PPP2R2C: variants seen among roughly 807,000 people sequenced by gnomAD.
The protein encoded by PPP2R2C is protein phosphatase 2, regulatory subunit B, gamma.
PPP2R2C carries 10 observed loss-of-function variants against 45.3 expected under a neutral mutation model. That is an observed-to-expected ratio of 0.22 (90% CI 0.14 to 0.37). PPP2R2C has a LOEUF of 0.37. Among genes scored for constraint, PPP2R2C ranks in the 10% least tolerant of loss-of-function variants. The pLI, the probability that PPP2R2C is intolerant of heterozygous loss-of-function variation, is 1.00. For synonymous variants in PPP2R2C, 257 were observed against 245.4 expected, an observed-to-expected ratio of 1.05 and a Z score of -0.44; for missense variants, 308 against 619.7, an observed-to-expected ratio of 0.50 and a Z score of 5.34.
intron 1 of PPP2R2C, among the ~76,000 whole-genome samples, chr4:6,542,052 G>A (rs892496516): frequency 1.3e-5 from 2 of 152,194 alleles, no homozygotes. Context: ...AAATGCACTC[G>A]TGATCACAAT....
chr4:6,512,742 G>A (rs913985078), intron 2 of PPP2R2C, among the ~76,000 whole-genome samples: 2 of 151,820 alleles, frequency 1.3e-5, no homozygotes, highest in Admixed American at 6.6e-5. Flanking sequence ...TGGTGGCAGT[G>A]AGGATAAGAC....
chr4:6,336,586 C>G, intron 6 of PPP2R2C, among the ~76,000 whole-genome samples: 2 of 79,760 alleles, frequency 2.5e-5, no homozygotes, highest in Non-Finnish European at 2.6e-5. Flanking sequence ...AGATGCTGTA[C>G]AGAGTGAGCC....
At chr4:6,527,458 C>A (rs1724250521) in intron 2 of PPP2R2C, among the ~76,000 whole-genome samples, 1 of 149,586 alleles carries the variant, frequency 6.7e-6, no homozygotes, top group Non-Finnish European at 1.5e-5. Flanking sequence ...CCCTGCCATG[C>A]AGCCTCTGTG....
chr4:6,490,729 G>T (rs1053664077), intron 2 of PPP2R2C, among the ~76,000 whole-genome samples: 1 of 152,170 alleles, frequency 6.6e-6, no homozygotes, highest in African/African-American at 2.4e-5. Flanking sequence ...GGGAAGCTCT[G>T]CATCTCTCAA....
In PPP2R2C at chr4:6,444,512, G is replaced by A. The variant is rs368764852; in HGVS notation, c.70+27648C>T. ...TTCCAAATACACTCTGCCACTCTCC[G>A]GGGTCCTCGCACAGCCCAGGTGTAA... is the stretch of plus-strand genomic sequence containing the variant. On this transcript the variant is annotated intron_variant, in intron 1 of 8. Coordinates refer to ENST00000382599, the MANE Select transcript of PPP2R2C (RefSeq NM_020416.4). Among the ~76,000 whole-genome samples, 6 of 152,282 alleles carry A rather than the reference G, an allele frequency of 3.9e-5. No homozygotes were observed. In the East Asian group the frequency reaches 5.8e-4, roughly 15 times the overall value.
intron 5 of PPP2R2C, chr4:6,349,416 G>A (rs1712322549): frequency 1.0e-6 from 1 of 975,678 alleles, no homozygotes; most frequent in African/African-American, 1.8e-5. Context: ...GATCATCAGA[G>A]GCAAAGCCCT....
At chr4:6,389,928 C>A (rs141491737) in intron 1 of PPP2R2C, among the ~76,000 whole-genome samples, 1 of 152,056 alleles carries the variant, frequency 6.6e-6, no homozygotes, top group African/African-American at 2.4e-5. Flanking sequence ...CTCCTCTCAG[C>A]GTTTATGGGG....
chr4:6,472,191 G>A lies in PPP2R2C; in HGVS notation c.39C>T (p.Ser13=). Residue 13 remains serine (S), a synonymous_variant, in exon 1 of 9, where the codon AGC becomes AGT. Coordinates refer to ENST00000382599, the MANE Select transcript of PPP2R2C (RefSeq NM_020416.4). The part of the protein sequence containing the change: ...EDTDTRKINH[S]FLRDHSYVTE... ...TCACATAGCTGTGGTCCCGCAGGAA[G>A]CTGTGGTTAATTTTCCGCGTGTCCG... 1 of 1,613,514 alleles carries A rather than the reference G, an allele frequency of 6.2e-7. No homozygotes were observed. Among genetic ancestry groups the A allele is most frequent in the South Asian group, 1.1e-5 (1 of 91,084 alleles).
At chr4:6,339,132 A>G (rs1223529986) in intron 6 of PPP2R2C, among the ~76,000 whole-genome samples, 1 of 152,192 alleles carries the variant, frequency 6.6e-6, no homozygotes, top group Non-Finnish European at 1.5e-5. Context: ...CTTTCTGTGC[A>G]TATTGTTCAC....
At chr4:6,338,369 C>T (rs1303995421) in intron 6 of PPP2R2C, among the ~76,000 whole-genome samples, 5 of 152,334 alleles carry the variant, frequency 3.3e-5, no homozygotes, top group East Asian at 3.9e-4. Context: ...GGGTGTTGCA[C>T]GGTGTTGTGG....
chr4:6,550,532 A>G (rs1725150791), intron 1 of PPP2R2C, among the ~76,000 whole-genome samples: 1 of 152,128 alleles, frequency 6.6e-6, no homozygotes, highest in African/African-American at 2.4e-5. Context: ...CTAGCTTAAT[A>G]TCTTCTACTC....
At chr4:6,338,952 G>A (rs1733222460) in intron 6 of PPP2R2C, among the ~76,000 whole-genome samples, 1 of 152,242 alleles carries the variant, frequency 6.6e-6, no homozygotes, top group Admixed American at 6.5e-5. Flanking sequence ...GGTCATGCCT[G>A]GAGGCGATGG....
intron 2 of PPP2R2C, among the ~76,000 whole-genome samples, chr4:6,521,739 T>C (rs549418289): frequency 2.4e-3 from 368 of 152,282 alleles, no homozygotes; most frequent in Non-Finnish European, 4.0e-3. Context: ...CACTCTCCCT[T>C]GCCACACACT....
rs534553711 is a variant in PPP2R2C, at chr4:6,329,773, G to A, written c.961-420C>T. On this transcript the variant is annotated intron_variant, in intron 7 of 8. Transcript: ENST00000382599. This position sits in a 1 kb window ranked among gnomAD's most constrained non-coding sequence, Gnocchi z 5.8. Reference sequence around the variant, plus strand: ...CAGAGTCCACTGTGACAAACAGAACGCTCACAGCACAGGGGCCAGGACCAC... The same window carrying A: ...CAGAGTCCACTGTGACAAACAGAACACTCACAGCACAGGGGCCAGGACCAC... Among the ~76,000 whole-genome samples the A allele has an allele frequency of 7.9e-5, 12 of 152,316 alleles. No individual in the cohort carries two copies. Among genetic ancestry groups the A allele is most frequent in the South Asian group, 6.2e-4 (3 of 4,820 alleles).
chr4:6,493,783 GC>G (rs1488269084), intron 2 of PPP2R2C, among the ~76,000 whole-genome samples: 4 of 151,890 alleles, frequency 2.6e-5, no homozygotes, highest in African/African-American at 9.7e-5. Flanking sequence ...TTAAATCCAC[GC>G]CCAGCCCCCA....
intron 2 of PPP2R2C, among the ~76,000 whole-genome samples, chr4:6,509,096 C>G (rs1307555527): frequency 6.6e-6 from 1 of 152,222 alleles, no homozygotes; most frequent in African/African-American, 2.4e-5. Flanking sequence ...TTTGCCACTG[C>G]TAACAGTATT....
In PPP2R2C at chr4:6,323,645, G is replaced by A. The variant is rs751519301; in HGVS notation, c.1053-52C>T. 5.6e-5 allele frequency: 81 copies of A among 1,454,568 alleles called. No individual in the cohort carries two copies. In the African/African-American group the frequency reaches 7.6e-4, roughly 14 times the overall value. The allele number at this position is 1,454,568 out of a possible 1,614,324, so 90.1% of individuals were successfully genotyped here. ...TGAGGAGGAGCACAAGCCCCTTCTC[G>A]AGAAATAAGCCCAGGTGTGGGGGCT... On this transcript the variant is annotated intron_variant, in intron 8 of 8. Coordinates refer to ENST00000382599, the MANE Select transcript of PPP2R2C (RefSeq NM_020416.4).
chr4:6,479,433 C>T (rs13105491), intron 2 of PPP2R2C, among the ~76,000 whole-genome samples: 25,792 of 140,832 alleles, frequency 0.18, 2,668 homozygotes, highest in African/African-American at 0.28. Context: ...CAACCCAGGT[C>T]GCCATGCCTC....
chr4:6,348,079 C>T, intron 5 of PPP2R2C, 69 bp from the exon 6 acceptor site: 1 of 1,565,124 alleles, frequency 6.4e-7, no homozygotes. Context: ...CCGGAGGTTT[C>T]TGACACCTCT....
Sources: gnomAD v4.1 joint callset for allele counts (sites outside exome capture counted in the v4.1 genomes callset) on GRCh38, gnomAD v4.1.1 for gene constraint, Gnocchi (gnomAD v3.1) non-coding constraint, MANE v1.5 for transcripts, NCBI Gene and HGNC (gene_info 2026-07-23, HGNC 2026-07-21) for gene names.